The following LRRCC1 variants were observed in gnomAD, a reference collection of about 807,000 sequenced individuals.
LRRCC1 encodes the protein leucine-rich repeat and coiled-coil domain-containing protein 1.
In LRRCC1, 115 loss-of-function variants were observed where a neutral mutation model predicts 126.0. That is an observed-to-expected ratio of 0.91 (90% CI 0.78 to 1.07). LRRCC1 has a LOEUF of 1.07. Ranked by LOEUF, LRRCC1 falls within the 50% of genes least tolerant of loss-of-function variation. The probability of loss-of-function intolerance (pLI) is 0.00; values close to 1 mark genes in which losing one functional copy is unlikely to be tolerated. For synonymous variants in LRRCC1, 400 were observed against 393.4 expected (o/e 1.02, Z -0.20); for missense variants, 1,172 against 1,175.7 (o/e 1.00, Z 0.05).
chr8:85,121,080 A>G lies in LRRCC1; in HGVS notation c.931-2333A>G, dbSNP rs957314400. On this transcript the variant is annotated intron_variant, in intron 6 of 18. Transcript: ENST00000360375. The stretch of plus-strand genomic sequence containing the variant: ...CAGTATATGAAGGTTCAGTTTTTCC[A>G]CATCCTTGCTATCTTGTTCTTATAT... Among the ~76,000 whole-genome samples the G allele has an allele frequency of 2.0e-5, 3 of 152,164 alleles. No individual in the cohort carries two copies. The East Asian group carries it at 5.8e-4, about 29-fold the overall frequency.
intron 12 of LRRCC1, 130 bp downstream of exon 12, chr8:85,132,091 T>C (rs1466620240): frequency 4.6e-5 from 33 of 714,934 alleles, no homozygotes; most frequent in Non-Finnish European, 7.2e-5. Context: ...ATATAAATTC[T>C]TAGAGGCCTT....
In LRRCC1 at chr8:85,124,713, C is replaced by A. The variant is rs1398376280; in HGVS notation, c.1125-79C>A. ...CTTTTTAAAAAGCTGTTTGCATATA[C>A]AACTAGAAATGTTAATTTAGAGAAA... On this transcript the variant is annotated intron_variant, in intron 7 of 18. Transcript: ENST00000360375. The A allele has an allele frequency of 6.7e-6, 6 of 894,924 alleles. No individual in the cohort carries two copies. The East Asian group carries it at 1.7e-4, about 25-fold the overall frequency. The allele number at this position is 894,924 out of a possible 1,614,324, so 55.4% of individuals were successfully genotyped here.
rs1808853571 is a variant in LRRCC1, at chr8:85,113,109, ATTAAT to A, written c.544+16_544+20del. The A allele has an allele frequency of 6.3e-7, 1 of 1,584,236 alleles. No individual in the cohort carries two copies. Among genetic ancestry groups the A allele is most frequent in the African/African-American group, 1.4e-5 (1 of 73,088 alleles). On this transcript the variant is annotated intron_variant, in intron 4 of 18. Transcript: ENST00000360375. ...GTCTGTCGACTGCCAGGTATGAATA[ATTAAT>A]TTAATATTTTTTCTAACAGTTAATA... is the stretch of plus-strand genomic sequence containing the variant.
At chr8:85,143,975 G>A (rs1389211071) in intron 18 of LRRCC1, among the ~76,000 whole-genome samples, 1 of 152,062 alleles carries the variant, frequency 6.6e-6, no homozygotes, top group Non-Finnish European at 1.5e-5. Flanking sequence ...TTAGGGTTTA[G>A]GAAGCATGAA....
Position 85,138,323 on chromosome 8 carries a change from T to G in LRRCC1, c.2703-15T>G, listed in dbSNP as rs1042840066. 6 of 1,587,936 alleles carry G rather than the reference T, an allele frequency of 3.8e-6. No homozygotes were observed. In the South Asian group the frequency reaches 5.8e-5, roughly 15 times the overall value. ...AATAAACCCAATTTATTTTTCAAATTACTTCTCATATTAGTACACTGAATC... is the reference window on the plus strand; with the variant it reads ...AATAAACCCAATTTATTTTTCAAATGACTTCTCATATTAGTACACTGAATC... On this transcript the variant is annotated splice_polypyrimidine_tract_variant and intron_variant, in intron 16 of 18. Coordinates refer to ENST00000360375, the MANE Select transcript of LRRCC1 (RefSeq NM_033402.5).
chr8:85,117,791 A>G (rs1809237258), intron 6 of LRRCC1, among the ~76,000 whole-genome samples: 1 of 152,152 alleles, frequency 6.6e-6, no homozygotes, highest in African/African-American at 2.4e-5. Flanking sequence ...TCATGTAGCT[A>G]TCTATTCGTG....
rs1277913980 is a variant in LRRCC1, at chr8:85,135,935, A to C, written c.2301A>C (p.Lys767Asn). 1 of 1,592,984 alleles carries C rather than the reference A, an allele frequency of 6.3e-7. No homozygotes were observed. The highest frequency in any genetic ancestry group is 8.6e-7 in the Non-Finnish European group (1 of 1,169,436). ...SLIFGLRTERKVWGHELAQQG... is the reference protein window; with the variant it reads ...SLIFGLRTERNVWGHELAQQG... ...TATTTGGTTTAAGGACAGAAAGAAAAGTATGGGGACATGAGCTGGCACAAC... is the reference window on the plus strand; with the variant it reads ...TATTTGGTTTAAGGACAGAAAGAAACGTATGGGGACATGAGCTGGCACAAC... Residue 767 changes from lysine (K) to asparagine (N), a missense_variant, in exon 14 of 19, where the codon AAA (lysine) becomes AAC (asparagine). Lys to Asn is a moderately conservative substitution (Grantham distance 94). Transcript: ENST00000360375.
intron 15 of LRRCC1, 68 bp from the exon 16 acceptor site, chr8:85,137,967 T>C: frequency 1.3e-6 from 1 of 767,170 alleles, no homozygotes; most frequent in Non-Finnish European, 2.1e-6. Context: ...AATTAAACCA[T>C]ATCTAATTAA....
At chr8:85,132,947 A>T (rs1810590136) in intron 12 of LRRCC1, among the ~76,000 whole-genome samples, 1 of 152,174 alleles carries the variant, frequency 6.6e-6, no homozygotes, top group Non-Finnish European at 1.5e-5. Flanking sequence ...CCTTCAGCAT[A>T]CAAACATGCT....
chr8:85,113,165 A>T, intron 4 of LRRCC1, 66 bp downstream of exon 4: 5 of 1,306,784 alleles, frequency 3.8e-6, no homozygotes, highest in Non-Finnish European at 5.3e-6. Flanking sequence ...TTTTCCTGAA[A>T]TTGGCATTCG....
chr8:85,124,834 T>C lies in LRRCC1; in HGVS notation c.1167T>C (p.Tyr389=), dbSNP rs372108830. The change falls in exon 8 of 19, where the codon TAT becomes TAC. Residue 389 remains tyrosine, a synonymous_variant. Transcript: ENST00000360375. The part of the protein sequence containing the change: ...KMKPPYLKEL[Y]VSSSLANCPM... Reference sequence around the variant, plus strand: ...AACCACCTTACCTTAAAGAATTATATGTAAGCTCATCTTTAGCAAACTGTC... The same window carrying C: ...AACCACCTTACCTTAAAGAATTATACGTAAGCTCATCTTTAGCAAACTGTC... The C allele has an allele frequency of 8.7e-5, 138 of 1,591,892 alleles. No individual in the cohort carries two copies. Among genetic ancestry groups the C allele is most frequent in the Non-Finnish European group, 1.1e-4 (131 of 1,165,094 alleles).
chr8:85,145,272 A>T (rs1811594500), intron 18 of LRRCC1, 117 bp from the exon 19 acceptor site: 6 of 742,242 alleles, frequency 8.1e-6, no homozygotes, highest in Non-Finnish European at 1.2e-5. Flanking sequence ...ATTTCTTTAA[A>T]TACATCACAA....
In LRRCC1 at chr8:85,131,771, A is replaced by C. The variant is rs780771575; in HGVS notation, c.1778A>C (p.Glu593Ala). ...LKEQEHRKELETREFFTDADF... is the reference protein window; with the variant it reads ...LKEQEHRKELATREFFTDADF... ...GTTTTTCACTCCAGGAAGGAACTTG[A>C]AACAAGGGAGTTTTTTACTGATGCT... Residue 593 changes from glutamate to alanine, a missense_variant, in exon 12 of 19, where the codon GAA (glutamate) becomes GCA (alanine). Glu to Ala is a moderately radical substitution (Grantham distance 107). Coordinates refer to ENST00000360375, the MANE Select transcript of LRRCC1 (RefSeq NM_033402.5). 6.2e-7 allele frequency: 1 copy of C among 1,612,196 alleles called. No individual in the cohort carries two copies. Among genetic ancestry groups the C allele is most frequent in the Non-Finnish European group, 8.5e-7 (1 of 1,179,382 alleles).
At position 85,109,693 on chromosome 8, in the gene LRRCC1, A is replaced by G. The variant is rs1262160484; in HGVS notation, c.203A>G (p.Gln68Arg). The G allele has an allele frequency of 6.2e-7, 1 of 1,605,970 alleles. No homozygotes were observed. Among genetic ancestry groups the G allele is most frequent in the East Asian group, 2.2e-5 (1 of 44,734 alleles). Reference sequence around the variant, plus strand: ...GCCATTGATCATATTTGGAATTTACAACATCTAGATCTGTCATCTAATCAA... The same window carrying G: ...GCCATTGATCATATTTGGAATTTACGACATCTAGATCTGTCATCTAATCAA... ...IEAIDHIWNL[Q>R]HLDLSSNQIS... Residue 68 changes from glutamine to arginine, a missense_variant, in exon 2 of 19, where the codon CAA becomes CGA. By Grantham distance (43) the Gln-to-Arg change is conservative (BLOSUM62 1). Coordinates refer to ENST00000360375, the MANE Select transcript of LRRCC1 (RefSeq NM_033402.5).
intron 1 of LRRCC1, chr8:85,108,808 C>T (rs1808468811): frequency 6.6e-6 from 1 of 152,156 alleles, no homozygotes; most frequent in Admixed American, 6.5e-5. Flanking sequence ...GTGTATCTCC[C>T]ATCTAGCAAC....
Position 85,145,544 on chromosome 8 carries a change from C to T in LRRCC1, c.*33C>T. 2 of 1,531,684 alleles carry T rather than the reference C, an allele frequency of 1.3e-6. No homozygotes were observed. Among genetic ancestry groups the T allele is most frequent in the Non-Finnish European group, 1.7e-6 (2 of 1,145,548 alleles). The allele number at this position is 1,531,684 out of a possible 1,614,324, so 94.9% of individuals were successfully genotyped here. ...GAGAATGAATTTAATTGAAATAGAC[C>T]AGCAGACCTATTGTAAAAATGATTA... is the stretch of plus-strand genomic sequence containing the variant. On this transcript the variant is annotated 3_prime_UTR_variant, in exon 19 of 19. Transcript: ENST00000360375.
At chr8:85,121,228 C>T (rs1563937897) in intron 6 of LRRCC1, among the ~76,000 whole-genome samples, 1 of 152,094 alleles carries the variant, frequency 6.6e-6, no homozygotes, top group African/African-American at 2.4e-5. Flanking sequence ...AAAAGTGAGT[C>T]TTGTTTTTAA....
chr8:85,109,801 GT>G lies in LRRCC1; in HGVS notation c.310+4del. 2 of 1,505,590 alleles carry G rather than the reference GT, an allele frequency of 1.3e-6. No individual in the cohort carries two copies. The highest frequency in any genetic ancestry group is 1.8e-6 in the Non-Finnish European group (2 of 1,100,712). The allele number at this position is 1,505,590 out of a possible 1,614,324, so 93.3% of individuals were successfully genotyped here. A position where few individuals can be genotyped will look rare whatever the true frequency, so the allele number is the denominator to read the frequency against. On this transcript the variant is annotated splice_donor_variant, in intron 2 of 18. Coordinates refer to ENST00000360375, the MANE Select transcript of LRRCC1 (RefSeq NM_033402.5). LOFTEE classifies it high-confidence loss of function. ...TGCAATTTGATTACAAAAGTAGAAG[GT>G]TTGTAAGTGATTTTCATTTAACACT...
Position 85,145,478 on chromosome 8 carries a change from T to G in LRRCC1, c.3066T>G (p.Ala1022=), listed in dbSNP as rs753451494. ...TGGAAGCAAAAATTAAGCAACTTGCTTTTGCTTTAAATGAAATTCAGCAAG... is the reference window on the plus strand; with the variant it reads ...TGGAAGCAAAAATTAAGCAACTTGCGTTTGCTTTAAATGAAATTCAGCAAG... ...KTMEAKIKQL[A]FALNEIQQDM is the part of the protein sequence containing the mutation. Residue 1022 remains alanine, a synonymous_variant, in exon 19 of 19, where the codon GCT becomes GCG. Coordinates refer to ENST00000360375, the MANE Select transcript of LRRCC1 (RefSeq NM_033402.5). The G allele has an allele frequency of 4.4e-6, 7 of 1,588,356 alleles. No homozygotes were observed. The highest frequency in any genetic ancestry group is 5.1e-6 in the Non-Finnish European group (6 of 1,171,688).
Sources: gnomAD v4.1 joint callset for allele counts (sites outside exome capture counted in the v4.1 genomes callset) on GRCh38, gnomAD v4.1.1 for gene constraint, MANE v1.5 for transcripts, NCBI Gene and HGNC (gene_info 2026-07-23, HGNC 2026-07-21) for gene names.